Variants in GABRD observed in about 807,000 individuals in gnomAD.
GABRD encodes gamma-aminobutyric acid type A receptor subunit delta, also known as gamma-aminobutyric acid receptor subunit delta.
A neutral mutation model predicts 47.3 loss-of-function variants in GABRD; 25 were observed. The ratio of observed to expected loss-of-function variants is 0.53; its 90% confidence interval spans 0.39 to 0.74. The LOEUF (loss-of-function observed/expected upper bound fraction) is 0.74, where lower values mean the gene tolerates loss of function less well. Among genes scored for constraint, GABRD ranks in the 30% least tolerant of loss-of-function variants. The probability of loss-of-function intolerance (pLI) is 0.00; values close to 1 mark genes in which losing one functional copy is unlikely to be tolerated. For missense variants in GABRD, 497 were observed against 643.4 expected (o/e 0.77, Z 2.46); for synonymous variants, 314 against 278.8 (o/e 1.13, Z -1.26).
In GABRD at chr1:2,028,939, G is replaced by C; in HGVS notation, c.692-172G>C. 1.3e-6 allele frequency: 1 copy of C among 770,902 alleles called. No homozygotes were observed. Among genetic ancestry groups the C allele is most frequent in the Non-Finnish European group, 2.0e-6 (1 of 490,232 alleles). 47.8% of individuals were successfully genotyped at this position (770,902 alleles called of 1,614,324 possible). Reference sequence around the variant, plus strand: ...AGCCTGTCCTGTGGCCAGACCTAGGGCCGGAGGCCCCCTGACATTTCAGGC... The same window carrying C: ...AGCCTGTCCTGTGGCCAGACCTAGGCCCGGAGGCCCCCTGACATTTCAGGC... On this transcript the variant is annotated intron_variant, in intron 6 of 8. Transcript: ENST00000378585. This position sits in a 1 kb window ranked among gnomAD's most constrained non-coding sequence, Gnocchi z 6.4.
chr1:2,027,109 G>A lies in GABRD; in HGVS notation c.471-468G>A, dbSNP rs1161620679. 4 of 273,732 alleles carry A rather than the reference G, an allele frequency of 1.5e-5. No homozygotes were observed. The East Asian group carries it at 3.4e-4, about 23-fold the overall frequency. The allele number at this position is 273,732 out of a possible 1,614,324, so 17.0% of individuals were successfully genotyped here. On this transcript the variant is annotated intron_variant, in intron 4 of 8. Transcript: ENST00000378585. The stretch of plus-strand genomic sequence containing the variant: ...CCCCGGGGGGTTGAGGCTGTAGTGA[G>A]TCAAGATTGCACCACTGCACTCCAG...
At chr1:2,027,497 C>T in intron 4 of GABRD, 80 bp from the exon 5 acceptor site, 1 of 1,110,272 alleles carries the variant, frequency 9.0e-7, no homozygotes, top group South Asian at 1.3e-5. Context: ...GCTCAGGGGG[C>T]ATCTCTGCAG....
In GABRD at chr1:2,030,218, G is replaced by T. The variant is rs971559651; in HGVS notation, c.1295G>T (p.Arg432Leu). The change falls in exon 9 of 9, where the codon CGC (arginine) becomes CTC (leucine). Residue 432 changes from arginine to leucine, a missense_variant. By Grantham distance (102) the Arg-to-Leu change is moderately radical. This residue lies in a region of GABRD where 121 missense variants were observed against 121.3 expected (regional missense o/e 1.00). Transcript: ENST00000378585. ...IDADTIDIYA[R>L]AVFPAAFAAV... ...GCAGACACCATTGACATTTACGCCC[G>T]CGCTGTGTTCCCTGCGGCGTTTGCG... 1 of 1,569,112 alleles carries T rather than the reference G, an allele frequency of 6.4e-7. No homozygotes were observed. Among genetic ancestry groups the T allele is most frequent in the South Asian group, 1.2e-5 (1 of 85,970 alleles).
chr1:2,021,033 C>T (rs1048695990), intron 1 of GABRD, among the ~76,000 whole-genome samples: 3 of 152,192 alleles, frequency 2.0e-5, no homozygotes, highest in Non-Finnish European at 4.4e-5. Flanking sequence ...GGATTCTGTG[C>T]CTGTTTCCTT....
In GABRD at chr1:2,029,871, G is replaced by A; in HGVS notation, c.1059+109G>A. 9 of 1,505,800 alleles carry A rather than the reference G, an allele frequency of 6.0e-6. No homozygotes were observed. The Admixed American group carries it at 6.8e-5, about 11-fold the overall frequency. 93.3% of individuals were successfully genotyped at this position (1,505,800 alleles called of 1,614,324 possible). ...CCAGCTGTGCTCCCTGAGCGTGGGG[G>A]GCTGGAGCTGCTGGTCCAGGCGGGG... On this transcript the variant is annotated intron_variant, in intron 8 of 8. Coordinates refer to ENST00000378585, the MANE Select transcript of GABRD (RefSeq NM_000815.5).
Position 2,025,581 on chromosome 1 carries a change from A to G in GABRD, c.313A>G (p.Thr105Ala). ...GGACAGCAGGCTCTCCTACAACCAC[A>G]CCAACGAGACCCTGGGTCTGGACAG... is the stretch of plus-strand genomic sequence containing the variant. ...WRDSRLSYNH[T>A]NETLGLDSRF... The change falls in exon 4 of 9, where the codon ACC becomes GCC. Residue 105 changes from threonine to alanine, a missense_variant. Transcript: ENST00000378585. 6.2e-7 allele frequency: 1 copy of G among 1,612,910 alleles called. No individual in the cohort carries two copies. Among genetic ancestry groups the G allele is most frequent in the South Asian group, 1.1e-5 (1 of 91,078 alleles).
rs554465815 is a variant in GABRD, at chr1:2,025,381, C to T, written c.229C>T (p.His77Tyr). The T allele has an allele frequency of 6.2e-7, 1 of 1,613,058 alleles. No individual in the cohort carries two copies. Among genetic ancestry groups the T allele is most frequent in the African/African-American group, 1.3e-5 (1 of 75,068 alleles). ...ALALEVASID[H>Y]ISEANMEYTM... ...TGCCCTGGAGGTGGCCAGCATCGAC[C>T]ACATCTCAGAGGCCAACATGGTAGG... Residue 77 changes from histidine (H) to tyrosine (Y), a missense_variant, in exon 3 of 9, where the codon CAC (histidine) becomes TAC (tyrosine). Coordinates refer to ENST00000378585, the MANE Select transcript of GABRD (RefSeq NM_000815.5).
chr1:2,029,487 T>A (rs28581504), intron 7 of GABRD, 64 bp from the exon 8 acceptor site: 1 of 1,594,544 alleles, frequency 6.3e-7, no homozygotes. Context: ...GTCACAGGCA[T>A]CAAGGCTGGG....
chr1:2,025,105 G>A, intron 2 of GABRD, 51 bp downstream of exon 2: 1 of 1,498,882 alleles, frequency 6.7e-7, no homozygotes. Flanking sequence ...GCCCAGGCTA[G>A]GCCGTGGCTG....
intron 5 of GABRD, 28 bp downstream of exon 5, chr1:2,027,687 GC>G: frequency 6.3e-7 from 1 of 1,596,096 alleles, no homozygotes; most frequent in Non-Finnish European, 8.6e-7. Flanking sequence ...GCGGGTAGGG[GC>G]TTCTCCAGCA....
In GABRD at chr1:2,030,541, T is replaced by C; in HGVS notation, c.*259T>C. 2.6e-6 allele frequency: 1 copy of C among 380,996 alleles called. No individual in the cohort carries two copies. Among genetic ancestry groups the C allele is most frequent in the Non-Finnish European group, 4.7e-6 (1 of 213,854 alleles). 23.6% of individuals were successfully genotyped at this position (380,996 alleles called of 1,614,324 possible). A position where few individuals can be genotyped will look rare whatever the true frequency, so the allele number is the denominator to read the frequency against. ...GGAGCAGAGGTTCTGACCGAGAGGC[T>C]GAGCCAGGCCGGGGTCTGGGCCCTT... On this transcript the variant is annotated 3_prime_UTR_variant, in exon 9 of 9. Transcript: ENST00000378585.
Position 2,028,162 on chromosome 1 carries a change from C to T in GABRD, c.561C>T (p.Tyr187=), listed in dbSNP as rs1658980254. 6.2e-7 allele frequency: 1 copy of T among 1,609,940 alleles called. No individual in the cohort carries two copies. The highest frequency in any genetic ancestry group is 1.3e-5 in the African/African-American group (1 of 74,866). The part of the protein sequence containing the change: ...ECMLDLESYG[Y]SSEDIVYYWS... Reference sequence around the variant, plus strand: ...TGTGTGCTTTTCCTCCAGACGGTTACTCATCGGAGGACATCGTCTACTACT... The same window carrying T: ...TGTGTGCTTTTCCTCCAGACGGTTATTCATCGGAGGACATCGTCTACTACT... The change falls in exon 6 of 9, where the codon TAC becomes TAT. Residue 187 remains tyrosine (Y), a synonymous_variant. Coordinates refer to ENST00000378585, the MANE Select transcript of GABRD (RefSeq NM_000815.5). This position sits in a 1 kb window ranked among gnomAD's most constrained non-coding sequence, Gnocchi z 6.4.
In GABRD at chr1:2,028,716, C is replaced by T. The variant is rs1160840962; in HGVS notation, c.692-395C>T. ...CCCACTTTCCCACCCCTACGCACCC[C>T]GTCCCCGGTCATCCAGAGCCAGTGA... is the stretch of plus-strand genomic sequence containing the variant. On this transcript the variant is annotated intron_variant, in intron 6 of 8. Transcript: ENST00000378585. The surrounding 1 kb of genome is among the most constrained non-coding windows in gnomAD (Gnocchi z 6.4). Among the ~76,000 whole-genome samples, 1 of 152,174 alleles carries T rather than the reference C, an allele frequency of 6.6e-6. No homozygotes were observed. The highest frequency in any genetic ancestry group is 6.5e-5 in the Admixed American group (1 of 15,282).
chr1:2,028,342 G>A lies in GABRD; in HGVS notation c.691+50G>A, dbSNP rs777514334. ...CGCATGTGCCCGCCGCCCCTTCCGC[G>A]CGCGCCCACCGCCCCTTCCGCGCGC... On this transcript the variant is annotated intron_variant, in intron 6 of 8. Transcript: ENST00000378585. The surrounding 1 kb of genome is among the most constrained non-coding windows in gnomAD (Gnocchi z 6.4). 1.4e-5 allele frequency: 21 copies of A among 1,544,526 alleles called. 1 individual carries two copies. Among genetic ancestry groups the A allele is most frequent in the South Asian group, 7.1e-5 (6 of 84,536 alleles).
intron 1 of GABRD, among the ~76,000 whole-genome samples, chr1:2,020,853 A>G (rs1357359867): frequency 2.6e-5 from 4 of 152,032 alleles, no homozygotes; most frequent in African/African-American, 7.2e-5. Context: ...TGGACGTGAG[A>G]CTCTTCTCAT....
In GABRD at chr1:2,030,408, C is replaced by A; in HGVS notation, c.*126C>A. 1.2e-6 allele frequency: 1 copy of A among 851,612 alleles called. No individual in the cohort carries two copies. The highest frequency in any genetic ancestry group is 1.7e-6 in the Non-Finnish European group (1 of 596,642). The allele number at this position is 851,612 out of a possible 1,614,324, so 52.8% of individuals were successfully genotyped here. Reference sequence around the variant, plus strand: ...GTTTCGAAGTGGGATGACAGTCGGCCACGGAAAACAAGAGGAAGCCTCGGC... The same window carrying A: ...GTTTCGAAGTGGGATGACAGTCGGCAACGGAAAACAAGAGGAAGCCTCGGC... On this transcript the variant is annotated 3_prime_UTR_variant, in exon 9 of 9. Transcript: ENST00000378585.
chr1:2,028,130 G>T lies in GABRD; in HGVS notation c.554-25G>T. The T allele has an allele frequency of 6.3e-7, 1 of 1,597,396 alleles. No homozygotes were observed. Among genetic ancestry groups the T allele is most frequent in the Non-Finnish European group, 8.6e-7 (1 of 1,168,912 alleles). On this transcript the variant is annotated intron_variant, in intron 5 of 8. Coordinates refer to ENST00000378585, the MANE Select transcript of GABRD (RefSeq NM_000815.5). This position sits in a 1 kb window ranked among gnomAD's most constrained non-coding sequence, Gnocchi z 6.4. ...TCCCGGGGCAGGGCCGGGCTCTGCCGCCCACCTGTGTGCTTTTCCTCCAGA... is the reference window on the plus strand; with the variant it reads ...TCCCGGGGCAGGGCCGGGCTCTGCCTCCCACCTGTGTGCTTTTCCTCCAGA...
chr1:2,022,134 C>T lies in GABRD; in HGVS notation c.68+2643C>T, dbSNP rs1388778216. 3.3e-5 allele frequency among the ~76,000 whole-genome samples: 5 copies of T among 152,204 alleles called. No individual in the cohort carries two copies. The East Asian group carries it at 7.7e-4, about 23-fold the overall frequency. On this transcript the variant is annotated intron_variant, in intron 1 of 8. Transcript: ENST00000378585. ...CCAAGCTCAGGCCACCACTGGGCCC[C>T]AGGGCCACCAGGTGAGGCAGCAGCC...
At chr1:2,027,704 T>C in intron 5 of GABRD, 45 bp downstream of exon 5, 1 of 1,541,714 alleles carries the variant, frequency 6.5e-7, no homozygotes, top group Non-Finnish European at 8.9e-7. Context: ...CAGCAGTGGA[T>C]GGGGGCTCAG....
Sources: gnomAD v4.1 joint callset for allele counts (sites outside exome capture counted in the v4.1 genomes callset) on GRCh38, gnomAD v4.1.1 for gene constraint, gnomAD v4.1.1 regional missense constraint, Gnocchi (gnomAD v3.1) non-coding constraint, MANE v1.5 for transcripts, NCBI Gene and HGNC (gene_info 2026-07-23, HGNC 2026-07-21) for gene names.